Variants in GPC6 observed in about 807,000 individuals in gnomAD.
The protein encoded by GPC6 is glypican-6.
Under a neutral mutation model 55.2 loss-of-function variants are expected in GPC6, and 14 were observed. The observed-to-expected ratio is 0.25, with a 90% confidence interval of 0.17 to 0.40. The LOEUF (loss-of-function observed/expected upper bound fraction) is 0.40, where lower values mean the gene tolerates loss of function less well. GPC6 is among the 10% of genes least tolerant of loss of function. GPC6 has a pLI of 1.00. For missense variants in GPC6, 641 were observed against 708.5 expected (o/e 0.90, Z 1.08); for synonymous variants, 278 against 259.6 (o/e 1.07, Z -0.68).
At chr13:93,264,636 G>C (rs1310741865) in intron 1 of GPC6, among the ~76,000 whole-genome samples, 1 of 152,030 alleles carries the variant, frequency 6.6e-6, no homozygotes, top group Non-Finnish European at 1.5e-5. Context: ...GAACTCCAAT[G>C]ATCTTCCCTC....
chr13:93,754,055 G>A (rs1456482252), intron 2 of GPC6, among the ~76,000 whole-genome samples: 1 of 152,182 alleles, frequency 6.6e-6, no homozygotes, highest in Non-Finnish European at 1.5e-5. Flanking sequence ...AGGCGGCTTG[G>A]CAACCAGGGC....
At chr13:94,098,162 T>A (rs770223403) in intron 4 of GPC6, among the ~76,000 whole-genome samples, 18 of 152,336 alleles carry the variant, frequency 1.2e-4, no homozygotes, top group South Asian at 4.1e-4. Context: ...TTCATTGCTA[T>A]TTAATTCTAT....
intron 2 of GPC6, among the ~76,000 whole-genome samples, chr13:93,597,683 G>A (rs1424973678): frequency 6.6e-6 from 1 of 152,088 alleles, no homozygotes; most frequent in Non-Finnish European, 1.5e-5. Flanking sequence ...TCATGAATAA[G>A]TAATATATTT....
chr13:93,248,122 A>G (rs930337947), intron 1 of GPC6, among the ~76,000 whole-genome samples: 1 of 152,190 alleles, frequency 6.6e-6, no homozygotes, highest in Non-Finnish European at 1.5e-5. Context: ...CTTACTCAGA[A>G]CATGCTTAGC....
intron 1 of GPC6, among the ~76,000 whole-genome samples, chr13:93,348,856 C>T (rs1372655067): frequency 6.6e-6 from 1 of 152,094 alleles, no homozygotes; most frequent in African/African-American, 2.4e-5. Context: ...TTTATTTCCT[C>T]CCTTAGGCTT....
intron 4 of GPC6, among the ~76,000 whole-genome samples, chr13:94,138,807 C>G (rs891447113): frequency 1.3e-5 from 2 of 152,122 alleles, no homozygotes; most frequent in Admixed American, 6.6e-5. Flanking sequence ...ATGGCAGAAG[C>G]TCTCCTGTAC....
At chr13:93,560,627 G>A (rs554216652) in intron 2 of GPC6, among the ~76,000 whole-genome samples, 1 of 152,066 alleles carries the variant, frequency 6.6e-6, no homozygotes, top group South Asian at 2.1e-4. Context: ...AGGCCAAGGC[G>A]GGCGGATCAT....
chr13:93,783,744 T>A (rs1325753033), intron 2 of GPC6, among the ~76,000 whole-genome samples: 1 of 152,186 alleles, frequency 6.6e-6, no homozygotes, highest in Non-Finnish European at 1.5e-5. Flanking sequence ...TATCCTATCA[T>A]GCAGCCTACA....
At chr13:93,385,478 G>A (rs1234024118) in intron 1 of GPC6, among the ~76,000 whole-genome samples, 2 of 152,232 alleles carry the variant, frequency 1.3e-5, no homozygotes, top group Non-Finnish European at 2.9e-5. Context: ...TGGTTTAGAG[G>A]CACCTAAAGA....
intron 2 of GPC6, among the ~76,000 whole-genome samples, chr13:93,765,885 A>G (rs921304939): frequency 1.3e-4 from 20 of 152,228 alleles, no homozygotes; most frequent in Non-Finnish European, 7.3e-5. Context: ...TAACCTTTTG[A>G]TATCATGGAT....
chr13:93,856,047 T>A (rs1020020946), intron 3 of GPC6, among the ~76,000 whole-genome samples: 1 of 151,656 alleles, frequency 6.6e-6, no homozygotes, highest in Non-Finnish European at 1.5e-5. Flanking sequence ...AAGTCCAGTG[T>A]ATTGATTCTT....
chr13:94,344,266 G>C (rs1878178259), intron 6 of GPC6, among the ~76,000 whole-genome samples: 1 of 152,192 alleles, frequency 6.6e-6, no homozygotes, highest in Non-Finnish European at 1.5e-5. Context: ...CCTAGGCCCT[G>C]CCCTGTGTGA....
intron 2 of GPC6, among the ~76,000 whole-genome samples, chr13:93,669,795 C>T (rs1349823960): frequency 6.6e-6 from 1 of 151,864 alleles, no homozygotes; most frequent in Non-Finnish European, 1.5e-5. Context: ...ATCATTTATT[C>T]CAATCTGTTG....
chr13:94,147,639 G>A (rs965585761), intron 4 of GPC6, among the ~76,000 whole-genome samples: 10 of 152,088 alleles, frequency 6.6e-5, no homozygotes, highest in Non-Finnish European at 1.5e-4. Flanking sequence ...ACTGACACTG[G>A]ACCAAAGATC....
rs201106884 is a variant in GPC6, at chr13:93,556,295, C to CT, written c.319+10882dup. ...AAAATACTTTTTAATTTTTGGGTTA[C>CT]TTTTTTTTGCTAGGATGATATGTTT... On this transcript the variant is annotated intron_variant, in intron 2 of 8. Coordinates refer to ENST00000377047, the MANE Select transcript of GPC6 (RefSeq NM_005708.5). 5.9e-3 allele frequency among the ~76,000 whole-genome samples: 887 copies of CT among 149,500 alleles called. 11 individuals carry two copies. The highest frequency in any genetic ancestry group is 0.021 in the African/African-American group (837 of 40,824).
intron 3 of GPC6, among the ~76,000 whole-genome samples, chr13:93,934,625 T>C (rs1878337943): frequency 6.6e-6 from 1 of 152,208 alleles, no homozygotes; most frequent in African/African-American, 2.4e-5. Flanking sequence ...CCAACCAGCC[T>C]GGAACAATGA....
chr13:93,566,274 A>T (rs1035655658), intron 2 of GPC6, among the ~76,000 whole-genome samples: 1 of 152,236 alleles, frequency 6.6e-6, no homozygotes, highest in Non-Finnish European at 1.5e-5. Context: ...GATAGGTACT[A>T]TTCTTTCAAA....
At chr13:93,692,604 T>C (rs1464418460) in intron 2 of GPC6, among the ~76,000 whole-genome samples, 1 of 152,086 alleles carries the variant, frequency 6.6e-6, no homozygotes, top group African/African-American at 2.4e-5. Context: ...TTAGAAAATA[T>C]AGAAATTTTC....
chr13:93,489,228 A>T (rs1879855996), intron 1 of GPC6, among the ~76,000 whole-genome samples: 1 of 151,496 alleles, frequency 6.6e-6, no homozygotes, highest in African/African-American at 2.4e-5. Flanking sequence ...TAAATACGGA[A>T]TCCTTTCCCT....
Sources: gnomAD v4.1 joint callset for allele counts (sites outside exome capture counted in the v4.1 genomes callset) on GRCh38, gnomAD v4.1.1 for gene constraint, MANE v1.5 for transcripts, NCBI Gene and HGNC (gene_info 2026-07-23, HGNC 2026-07-21) for gene names.